Variants in MR1 observed in about 807,000 individuals in gnomAD.
The protein encoded by MR1 is major histocompatibility complex, class I-related, also known as major histocompatibility complex class I-related protein 1.
A neutral mutation model predicts 37.8 loss-of-function variants in MR1; 44 were observed. The observed-to-expected ratio is 1.16, with a 90% CI of 0.91 to 1.50. The LOEUF (loss-of-function observed/expected upper bound fraction) is 1.50, where lower values mean the gene tolerates loss of function less well. Among genes scored for constraint, MR1 ranks in the 40% most tolerant of loss-of-function variants. The pLI is 0.00. For synonymous variants in MR1, 153 were observed against 155.8 expected (o/e 0.98, Z 0.13); for missense variants, 386 against 419.1 (o/e 0.92, Z 0.69).
chr1:181,053,707 G>T (rs745607140), intron 5 of MR1, 30 bp downstream of exon 5: 1 of 1,449,606 alleles, frequency 6.9e-7, no homozygotes, highest in South Asian at 1.1e-5. Flanking sequence ...GATCCAGGGG[G>T]CTGCAGACTC....
At position 181,060,076 on chromosome 1, in the gene MR1, T is replaced by C. The variant is rs926296094; in HGVS notation, c.*4811T>C. The C allele has an allele frequency of 2.0e-5, 3 of 152,206 alleles. No homozygotes were observed. The highest frequency in any genetic ancestry group is 4.4e-5 in the Non-Finnish European group (3 of 68,026). 9.4% of individuals were successfully genotyped at this position (152,206 alleles called of 1,614,324 possible). ...AGGCCAGAAGTTCAAAATGAAGTGT[T>C]GGCAGAAACATGCTGCCTCTAAAGG... On this transcript the variant is annotated 3_prime_UTR_variant, in exon 6 of 6. Transcript: ENST00000367580.
At chr1:181,048,592 G>C (rs932893149) in intron 1 of MR1, among the ~76,000 whole-genome samples, 1 of 152,108 alleles carries the variant, frequency 6.6e-6, no homozygotes, top group South Asian at 2.1e-4. Context: ...ATGCCCACAC[G>C]TGCACACACA....
intron 1 of MR1, among the ~76,000 whole-genome samples, chr1:181,042,847 A>G (rs1407067613): frequency 1.3e-5 from 2 of 152,122 alleles, no homozygotes; most frequent in Non-Finnish European, 2.9e-5. Flanking sequence ...TCATTTCAGC[A>G]TATTTCATTA....
intron 1 of MR1, among the ~76,000 whole-genome samples, chr1:181,046,127 C>T (rs1204373224): frequency 6.6e-6 from 1 of 152,214 alleles, no homozygotes; most frequent in Non-Finnish European, 1.5e-5. Flanking sequence ...CCTCCATGGG[C>T]CTCTGTGCGG....
chr1:181,051,356 G>T (rs1459083549), intron 3 of MR1: 1 of 152,124 alleles, frequency 6.6e-6, no homozygotes, highest in Non-Finnish European at 1.5e-5. Context: ...CCTCCTAGTA[G>T]CATTTATTTT....
At chr1:181,047,520 A>G (rs906817205) in intron 1 of MR1, among the ~76,000 whole-genome samples, 2 of 152,110 alleles carry the variant, frequency 1.3e-5, no homozygotes, top group Non-Finnish European at 2.9e-5. Flanking sequence ...AATCACTTGA[A>G]CCCAGGAGGC....
At chr1:181,037,709 A>T (rs1303266152) in intron 1 of MR1, among the ~76,000 whole-genome samples, 1 of 152,244 alleles carries the variant, frequency 6.6e-6, no homozygotes, top group Non-Finnish European at 1.5e-5. Flanking sequence ...TCAAGAGTAT[A>T]CATATTAAGT....
At chr1:181,051,009 T>G (rs564198524) in intron 3 of MR1, 2 of 152,128 alleles carry the variant, frequency 1.3e-5, no homozygotes, top group Admixed American at 1.3e-4. Context: ...ATGATAAGAT[T>G]CCTTTCAGCA....
rs997580314 is a variant in MR1, at chr1:181,057,996, G to T, written c.*2731G>T. ...TCGCACTCTAGCCTGGGCAACAAGA[G>T]TGAAACTCCATCTCAAAAAAATAAA... On this transcript the variant is annotated 3_prime_UTR_variant, in exon 6 of 6. Transcript: ENST00000367580. 1 of 152,232 alleles carries T rather than the reference G, an allele frequency of 6.6e-6. No homozygotes were observed. The highest frequency in any genetic ancestry group is 1.5e-5 in the Non-Finnish European group (1 of 68,066). 9.4% of individuals were successfully genotyped at this position (152,232 alleles called of 1,614,324 possible). A position where few individuals can be genotyped will look rare whatever the true frequency, so the allele number is the denominator to read the frequency against.
chr1:181,048,074 C>T (rs1394038004), intron 1 of MR1, among the ~76,000 whole-genome samples: 8 of 149,346 alleles, frequency 5.4e-5, no homozygotes, highest in South Asian at 2.1e-4. Context: ...AAAAATTAGC[C>T]AGGCGTGGTG....
At chr1:181,048,844 A>G (rs947119774) in intron 1 of MR1, among the ~76,000 whole-genome samples, 1 of 152,220 alleles carries the variant, frequency 6.6e-6, no homozygotes, top group African/African-American at 2.4e-5. Flanking sequence ...TGAACGAGAA[A>G]GGCTCCAAGT....
At position 181,049,299 on chromosome 1, in the gene MR1, C is replaced by G; in HGVS notation, c.315C>G (p.His105Gln). The change falls in exon 2 of 6, where the codon CAC becomes CAG. Residue 105 changes from histidine (H) to glutamine (Q), a missense_variant. Transcript: ENST00000367580. Reference sequence around the variant, plus strand: ...TGGAACTGAAGCGCCTACAGAGGCACTACAATCACTCAGGTGTGCATGCGG... The same window carrying G: ...TGGAACTGAAGCGCCTACAGAGGCAGTACAATCACTCAGGTGTGCATGCGG... ...FKVELKRLQR[H>Q]YNHSGSHTYQ... The G allele has an allele frequency of 6.2e-7, 1 of 1,613,618 alleles. No homozygotes were observed. The highest frequency in any genetic ancestry group is 1.7e-5 in the Admixed American group (1 of 59,984).
intron 1 of MR1, chr1:181,037,176 A>G (rs529548083): frequency 1.3e-5 from 2 of 152,200 alleles, no homozygotes; most frequent in African/African-American, 4.8e-5. Context: ...AATCTACTTC[A>G]TGAATGGTGG....
chr1:181,053,434 T>C (rs1299809262), intron 4 of MR1, 139 bp from the exon 5 acceptor site: 2 of 604,716 alleles, frequency 3.3e-6, no homozygotes, highest in Non-Finnish European at 6.0e-6. Context: ...ATTCCATTAG[T>C]GGTCAGATTG....
At chr1:181,051,540 T>C (rs1348250388) in intron 3 of MR1, among the ~76,000 whole-genome samples, 1 of 151,986 alleles carries the variant, frequency 6.6e-6, no homozygotes, top group East Asian at 1.9e-4. Context: ...AGATAGTGCC[T>C]TTGGTCTCGG....
intron 1 of MR1, among the ~76,000 whole-genome samples, chr1:181,037,387 G>A (rs2102359796): frequency 6.6e-6 from 1 of 152,290 alleles, no homozygotes; most frequent in Middle Eastern, 3.4e-3. Context: ...CAAGGTATAT[G>A]CCATAGAAAT....
chr1:181,035,541 C>T (rs933662303), intron 1 of MR1, among the ~76,000 whole-genome samples: 1 of 151,906 alleles, frequency 6.6e-6, no homozygotes, highest in African/African-American at 2.4e-5. Context: ...AGGAGAGAGG[C>T]AAAGGGTGAT....
Position 181,050,256 on chromosome 1 carries a change from G to A in MR1, c.574G>A (p.Glu192Lys), listed in dbSNP as rs1405852080. Residue 192 changes from glutamate to lysine, a missense_variant, in exon 3 of 6, where the codon GAG becomes AAG. Coordinates refer to ENST00000367580, the MANE Select transcript of MR1 (RefSeq NM_001385161.1). ...TATTGCCTGGCTAAAGAGATTCCTGGAGTATGGGAAAGACACCCTACAAAG... is the reference window on the plus strand; with the variant it reads ...TATTGCCTGGCTAAAGAGATTCCTGAAGTATGGGAAAGACACCCTACAAAG... ...ECIAWLKRFL[E>K]YGKDTLQRTE... 1 of 1,614,252 alleles carries A rather than the reference G, an allele frequency of 6.2e-7. No homozygotes were observed. Among genetic ancestry groups the A allele is most frequent in the Non-Finnish European group, 8.5e-7 (1 of 1,180,056 alleles).
chr1:181,033,464 AG>A (rs1201104790), upstream of MR1: 5 of 152,274 alleles, frequency 3.3e-5, no homozygotes, highest in African/African-American at 1.2e-4. Context: ...TCTTTTATTC[AG>A]TAAGTGTTTT....
Sources: gnomAD v4.1 joint callset for allele counts (sites outside exome capture counted in the v4.1 genomes callset) on GRCh38, gnomAD v4.1.1 for gene constraint, MANE v1.5 for transcripts, NCBI Gene and HGNC (gene_info 2026-07-23, HGNC 2026-07-21) for gene names.